Variants in HTRA4 observed in about 807,000 individuals in gnomAD.
HTRA4 encodes the protein serine protease HTRA4.
A neutral mutation model predicts 49.1 loss-of-function variants in HTRA4; 46 were observed. That is an observed-to-expected ratio of 0.94 (90% confidence interval 0.74 to 1.20). The LOEUF is 1.20. Ranked by LOEUF, HTRA4 falls within the 50% of genes most tolerant of loss-of-function variation. The pLI is 0.00. For missense variants in HTRA4, 602 were observed against 636.9 expected (o/e 0.95, Z 0.59); for synonymous variants, 261 against 264.0 (o/e 0.99, Z 0.11).
intron 8 of HTRA4, among the ~76,000 whole-genome samples, chr8:38,986,725 C>T (rs923124703): frequency 2.0e-5 from 3 of 152,148 alleles, no homozygotes. Context: ...TGGCTGAACC[C>T]TTCTATTATC....
chr8:38,974,944 A>T (rs1835327486), intron 1 of HTRA4, 87 bp from the exon 2 acceptor site: 1 of 1,502,146 alleles, frequency 6.7e-7, no homozygotes, highest in Non-Finnish European at 9.2e-7. Flanking sequence ...CACCTTTTGA[A>T]CACTGTCTTG....
At position 38,974,297 on chromosome 8, in the gene HTRA4, G is replaced by GGACGATGCCTCCTGCCGGGGCTGC. The variant is rs1276030653; in HGVS notation, c.35_58dup (p.Leu19_Leu20insArgArgCysLeuLeuProGlyLeu). Reference sequence around the variant, plus strand: ...ACCTCAGCTGCGGACCGCGGGGCTGGGACGATGCCTCCTGCCGGGGCTGCT... The same window carrying GGACGATGCCTCCTGCCGGGGCTGC: ...ACCTCAGCTGCGGACCGCGGGGCTGGGACGATGCCTCCTGCCGGGGCTGCGACGATGCCTCCTGCCGGGGCTGCT... On this transcript the variant is annotated inframe_insertion, in exon 1 of 9. Coordinates refer to ENST00000302495, the MANE Select transcript of HTRA4 (RefSeq NM_153692.4). 1 of 1,612,604 alleles carries GGACGATGCCTCCTGCCGGGGCTGC rather than the reference G, an allele frequency of 6.2e-7. No individual in the cohort carries two copies.
At chr8:38,977,837 G>A (rs980074207) in intron 3 of HTRA4, 116 bp from the exon 4 acceptor site, 1 of 1,048,682 alleles carries the variant, frequency 9.5e-7, no homozygotes, top group Non-Finnish European at 1.4e-6. Context: ...AGGTGGTAAG[G>A]GCCAAGGTGA....
At position 38,982,513 on chromosome 8, in the gene HTRA4, A is replaced by G; in HGVS notation, c.1130A>G (p.Asn377Ser). The G allele has an allele frequency of 6.2e-7, 1 of 1,614,120 alleles. No homozygotes were observed. The highest frequency in any genetic ancestry group is 8.5e-7 in the Non-Finnish European group (1 of 1,179,960). ...EHQMKGKAFS[N>S]KKYLGLQMLS... is the part of the protein sequence containing the mutation. ...TCCTTTCCAGGAAAGGCGTTTTCAAATAAGAAATATCTGGGTCTGCAAATG... is the reference window on the plus strand; with the variant it reads ...TCCTTTCCAGGAAAGGCGTTTTCAAGTAAGAAATATCTGGGTCTGCAAATG... Residue 377 changes from asparagine to serine, a missense_variant, in exon 7 of 9, where the codon AAT becomes AGT. By Grantham distance (46) the Asn-to-Ser change is conservative (BLOSUM62 1). Transcript: ENST00000302495.
Position 38,974,461 on chromosome 8 carries a change from C to A in HTRA4, c.198C>A (p.Cys66Ter). 2 of 1,534,492 alleles carry A rather than the reference C, an allele frequency of 1.3e-6. No homozygotes were observed. The highest frequency in any genetic ancestry group is 2.4e-5 in the South Asian group (2 of 83,106). The part of the protein sequence containing the change: ...ALGTTPVFDL[C>*]RCCRVCPAAE... ...GGACCACGCCGGTGTTCGACCTGTG[C>A]CGCTGTTGCCGCGTCTGCCCCGCGG... The change falls in exon 1 of 9, where the codon TGC (cysteine) becomes TGA (stop). Residue 66 changes from cysteine (C) to a stop codon, truncating the protein, a stop_gained. Transcript: ENST00000302495. LOFTEE classifies it high-confidence loss of function.
intron 8 of HTRA4, among the ~76,000 whole-genome samples, chr8:38,985,400 C>T (rs1305353718): frequency 6.6e-6 from 1 of 152,168 alleles, no homozygotes; most frequent in African/African-American, 2.4e-5. Flanking sequence ...ACCTTGTGAT[C>T]CGCCTGCCTC....
At chr8:38,983,957 GTGAT>G (rs1230777718) in intron 8 of HTRA4, among the ~76,000 whole-genome samples, 1 of 151,942 alleles carries the variant, frequency 6.6e-6, no homozygotes, top group Non-Finnish European at 1.5e-5. Context: ...TAACTATTAA[GTGAT>G]TAACACCTAT....
intron 7 of HTRA4, 105 bp from the exon 8 acceptor site, chr8:38,982,848 C>T (rs1187439670): frequency 9.4e-6 from 7 of 742,896 alleles, no homozygotes; most frequent in African/African-American, 1.8e-5. Context: ...TCTTCCTCGG[C>T]CCTTGTGAAC....
At chr8:38,981,144 A>T (rs1835418136) in intron 5 of HTRA4, among the ~76,000 whole-genome samples, 1 of 119,930 alleles carries the variant, frequency 8.3e-6, no homozygotes, top group South Asian at 2.8e-4. Flanking sequence ...CAGTGGCGCG[A>T]TCTCGGCTCA....
chr8:38,978,462 C>T (rs1238654913), intron 4 of HTRA4, among the ~76,000 whole-genome samples: 1 of 152,204 alleles, frequency 6.6e-6, no homozygotes, highest in Non-Finnish European at 1.5e-5. Context: ...TCCACAAAGC[C>T]GGTCCCTGTG....
Position 38,978,078 on chromosome 8 carries a change from G to A in HTRA4, c.897G>A (p.Gln299=). ...CTGCAGGAATTGTCAGCACCAAACA[G>A]CGAGGGGGCAAAGAACTGGGGATGA... ...TATAGIVSTK[Q]RGGKELGMKD... is the part of the protein sequence containing the mutation. The change falls in exon 4 of 9, where the codon CAG becomes CAA. Residue 299 remains glutamine, a synonymous_variant. Transcript: ENST00000302495. 6.2e-7 allele frequency: 1 copy of A among 1,614,184 alleles called. No homozygotes were observed. The highest frequency in any genetic ancestry group is 1.6e-4 in the Middle Eastern group (1 of 6,062).
Position 38,975,042 on chromosome 8 carries a change from G to T in HTRA4, c.478G>T (p.Ala160Ser), listed in dbSNP as rs761279596. ...GTATTTTTTCATAGGGACCAGAAGC[G>T]CAGGCCCGCTCAGGAGGAATTACAA... Reference protein sequence around the residue: ...GNCGDTGTRSAGPLRRNYNFI... With the variant: ...GNCGDTGTRSSGPLRRNYNFI... Residue 160 changes from alanine (A) to serine (S), a missense_variant, in exon 2 of 9, where the codon GCA becomes TCA. Physicochemically the swap from Ala to Ser is moderately conservative, Grantham distance 99 (BLOSUM62 1). Transcript: ENST00000302495. 1.8e-5 allele frequency: 29 copies of T among 1,614,060 alleles called. No homozygotes were observed. In the South Asian group the frequency reaches 3.1e-4, roughly 17 times the overall value.
chr8:38,979,364 C>A, intron 5 of HTRA4, 117 bp downstream of exon 5: 1 of 933,926 alleles, frequency 1.1e-6, no homozygotes, highest in Non-Finnish European at 1.8e-6. Flanking sequence ...GGGATGACTG[C>A]TTGGGGCCAG....
chr8:38,983,499 C>A (rs1835447905), intron 8 of HTRA4, among the ~76,000 whole-genome samples: 1 of 151,874 alleles, frequency 6.6e-6, no homozygotes, highest in Non-Finnish European at 1.5e-5. Context: ...GTACTCCAGT[C>A]TGGGCGACAG....
chr8:38,982,874 G>GT, intron 7 of HTRA4, 79 bp from the exon 8 acceptor site: 1 of 915,766 alleles, frequency 1.1e-6, no homozygotes, highest in Middle Eastern at 2.3e-4. Context: ...GCAGAACAGA[G>GT]TACCTACTAA....
At chr8:38,981,846 A>G in intron 6 of HTRA4, 79 bp downstream of exon 6, 2 of 1,044,580 alleles carry the variant, frequency 1.9e-6, no homozygotes, top group Non-Finnish European at 2.9e-6. Context: ...TGGTGACAGC[A>G]ATTTTTTTGT....
intron 1 of HTRA4, 52 bp downstream of exon 1, chr8:38,974,781 G>A: frequency 7.1e-7 from 1 of 1,407,664 alleles, no homozygotes; most frequent in Non-Finnish European, 9.3e-7. Context: ...CTGGAGGAGC[G>A]TAAAGGAACA....
chr8:38,975,747 T>G (rs1190182954), intron 2 of HTRA4, among the ~76,000 whole-genome samples: 1 of 152,142 alleles, frequency 6.6e-6, no homozygotes, highest in African/African-American at 2.4e-5. Context: ...AGCCCCCACT[T>G]TGGATACAAG....
At chr8:38,980,405 A>G (rs556798734) in intron 5 of HTRA4, among the ~76,000 whole-genome samples, 16 of 151,980 alleles carry the variant, frequency 1.1e-4, no homozygotes, top group Non-Finnish European at 1.9e-4. Flanking sequence ...GACCTACTGA[A>G]TTACAATCTG....
Sources: gnomAD v4.1 joint callset for allele counts (sites outside exome capture counted in the v4.1 genomes callset) on GRCh38, gnomAD v4.1.1 for gene constraint, MANE v1.5 for transcripts, NCBI Gene and HGNC (gene_info 2026-07-23, HGNC 2026-07-21) for gene names.